SRSF11: variants seen among roughly 807,000 people sequenced by gnomAD.
SRSF11 encodes serine/arginine-rich splicing factor 11.
SRSF11 carries 9 observed loss-of-function variants against 56.0 expected under a neutral mutation model. The ratio of observed to expected loss-of-function variants is 0.16; its 90% CI spans 0.10 to 0.28. The LOEUF (loss-of-function observed/expected upper bound fraction) is 0.28. Ranked by LOEUF, SRSF11 falls within the 10% of genes least tolerant of loss-of-function variation. The pLI is 1.00. For missense variants in SRSF11, 421 were observed against 600.7 expected, an observed-to-expected ratio of 0.70 and a Z score of 3.13; for synonymous variants, 222 against 215.3, an observed-to-expected ratio of 1.03 and a Z score of -0.27.
intron 4 of SRSF11, among the ~76,000 whole-genome samples, chr1:70,235,271 A>G (rs1046619481): frequency 6.6e-6 from 1 of 152,186 alleles, no homozygotes; most frequent in African/African-American, 2.4e-5. Flanking sequence ...TCTTTAGATA[A>G]CTTGCTAAAG....
Position 70,232,250 on chromosome 1 carries a change from A to G in SRSF11, c.338-18A>G. On this transcript the variant is annotated intron_variant, in intron 2 of 11. Coordinates refer to ENST00000370949, the MANE Select transcript of SRSF11 (RefSeq NM_001350605.2). ...CTTAGAAAAGAATGTGTTCTAATGC[A>G]AGGATGTTTCTCTGCAGGAGTTATT... The G allele has an allele frequency of 6.2e-7, 1 of 1,614,158 alleles. No homozygotes were observed. The highest frequency in any genetic ancestry group is 1.3e-5 in the African/African-American group (1 of 75,036).
intron 1 of SRSF11, among the ~76,000 whole-genome samples, chr1:70,227,333 G>A (rs1169637255): frequency 6.6e-6 from 1 of 152,046 alleles, no homozygotes; most frequent in Admixed American, 6.6e-5. Context: ...TCATTAATGA[G>A]TCCTATGATG....
At chr1:70,234,546 T>C (rs574474480) in intron 3 of SRSF11, 150 bp from the exon 4 acceptor site, 17 of 504,192 alleles carry the variant, frequency 3.4e-5, no homozygotes, top group South Asian at 2.4e-4. Context: ...GCAGTAGTTA[T>C]ATGGTTTGTG....
upstream of SRSF11, among the ~76,000 whole-genome samples, chr1:70,218,034 G>T (rs559609583): frequency 2.0e-5 from 3 of 152,052 alleles, no homozygotes; most frequent in African/African-American, 7.2e-5. Flanking sequence ...CTGTTGCCCA[G>T]GCTGGAGTGC....
chr1:70,249,254 A>G (rs982969555), intron 9 of SRSF11: 2 of 152,170 alleles, frequency 1.3e-5, no homozygotes, highest in African/African-American at 4.8e-5. Context: ...GGGATATTTT[A>G]TTAGTAACTA....
Position 70,250,726 on chromosome 1 carries a change from A to G in SRSF11, c.1376A>G (p.Lys459Arg). 6.2e-7 allele frequency: 1 copy of G among 1,614,060 alleles called. No individual in the cohort carries two copies. Among genetic ancestry groups the G allele is most frequent in the Non-Finnish European group, 8.5e-7 (1 of 1,179,964 alleles). The change falls in exon 12 of 12, where the codon AAG (lysine) becomes AGG (arginine). Residue 459 changes from lysine (K) to arginine (R), a missense_variant. Coordinates refer to ENST00000370949, the MANE Select transcript of SRSF11 (RefSeq NM_001350605.2). ...SPKTKECSVE[K>R]GTGDSLRESK... Reference sequence around the variant, plus strand: ...AAAACAAAGGAATGTTCTGTGGAAAAGGGAACTGGTGATTCACTAAGAGAA... The same window carrying G: ...AAAACAAAGGAATGTTCTGTGGAAAGGGGAACTGGTGATTCACTAAGAGAA...
intron 7 of SRSF11, among the ~76,000 whole-genome samples, chr1:70,241,453 A>G (rs573583429): frequency 1.3e-5 from 2 of 152,170 alleles, no homozygotes; most frequent in Non-Finnish European, 2.9e-5. Flanking sequence ...CCACTGTCTT[A>G]TTCTTAGAGT....
upstream of SRSF11, chr1:70,205,704 C>T (rs566422741): frequency 9.7e-6 from 6 of 620,376 alleles, no homozygotes; most frequent in Middle Eastern, 4.8e-4. Context: ...TCGTCAGCAC[C>T]AGCGCCTGGG....
At position 70,251,112 on chromosome 1, in the gene SRSF11, C is replaced by T. The variant is rs188942561; in HGVS notation, c.*307C>T. 4.1e-4 allele frequency: 105 copies of T among 258,974 alleles called. No individual in the cohort carries two copies. The East Asian group carries it at 7.0e-3, about 17-fold the overall frequency. 16.0% of individuals were successfully genotyped at this position (258,974 alleles called of 1,614,324 possible). On this transcript the variant is annotated 3_prime_UTR_variant, in exon 12 of 12. Transcript: ENST00000370949. ...TACAGCAGGCATGGATTGTTTATGT[C>T]GTATGATATCCTTTATTAAGTAAGT...
intron 9 of SRSF11, among the ~76,000 whole-genome samples, chr1:70,247,531 AG>A (rs1055694005): frequency 2.0e-5 from 3 of 152,114 alleles, no homozygotes; most frequent in Admixed American, 1.3e-4. Context: ...CACTAGGAGA[AG>A]GTTCATGCCA....
At chr1:70,230,021 G>C in intron 2 of SRSF11, 1 of 985,358 alleles carries the variant, frequency 1.0e-6, no homozygotes, top group Non-Finnish European at 1.2e-6. Context: ...ATAAAATAGA[G>C]TATAGGTCTT....
chr1:70,245,756 A>G (rs1421536736), intron 8 of SRSF11, among the ~76,000 whole-genome samples: 1 of 152,230 alleles, frequency 6.6e-6, no homozygotes. Flanking sequence ...GAGGTCAGAA[A>G]AATATAATGA....
At chr1:70,224,139 T>A in intron 1 of SRSF11, among the ~76,000 whole-genome samples, 1 of 152,158 alleles carries the variant, frequency 6.6e-6, no homozygotes, top group Admixed American at 6.5e-5. Context: ...ATGCCATGAT[T>A]TTATTTTTCC....
At chr1:70,246,797 T>C (rs1363388303) in intron 8 of SRSF11, 21 bp from the exon 9 acceptor site, 5 of 1,564,338 alleles carry the variant, frequency 3.2e-6, no homozygotes, top group Non-Finnish European at 4.4e-6. Context: ...AATGCATTCA[T>C]AAATTGTGTT....
Position 70,251,599 on chromosome 1 carries a change from C to G in SRSF11, c.*794C>G, listed in dbSNP as rs1242856481. 6.6e-6 allele frequency: 1 copy of G among 152,256 alleles called. No homozygotes were observed. Among genetic ancestry groups the G allele is most frequent in the Non-Finnish European group, 1.5e-5 (1 of 67,928 alleles). The allele number at this position is 152,256 out of a possible 1,614,324, so 9.4% of individuals were successfully genotyped here. A position where few individuals can be genotyped will look rare whatever the true frequency, so the allele number is the denominator to read the frequency against. The stretch of plus-strand genomic sequence containing the variant: ...TGAAAGCTATCTACCTATCCTGAGT[C>G]TATCTTAAAGGAAAAAAAGAAAAAA... On this transcript the variant is annotated 3_prime_UTR_variant, in exon 12 of 12. Coordinates refer to ENST00000370949, the MANE Select transcript of SRSF11 (RefSeq NM_001350605.2).
chr1:70,229,228 A>T, intron 2 of SRSF11: 1 of 1,289,436 alleles, frequency 7.8e-7, no homozygotes, highest in Non-Finnish European at 1.0e-6. Context: ...GCAAATGCAA[A>T]ACCCTTCCAG....
At chr1:70,245,775 G>A (rs961785316) in intron 8 of SRSF11, among the ~76,000 whole-genome samples, 24 of 152,180 alleles carry the variant, frequency 1.6e-4, no homozygotes, top group African/African-American at 5.5e-4. Context: ...GAGACCGATC[G>A]TGGAAGGCTT....
At chr1:70,220,296 C>T (rs1254390478), upstream of SRSF11, among the ~76,000 whole-genome samples, 4 of 152,136 alleles carry the variant, frequency 2.6e-5, no homozygotes, top group Non-Finnish European at 5.9e-5. Context: ...ACTTGTGTAT[C>T]GGCACAGAGA....
intron 3 of SRSF11, 97 bp from the exon 4 acceptor site, chr1:70,234,599 C>G: frequency 2.1e-6 from 2 of 937,044 alleles, no homozygotes; most frequent in Non-Finnish European, 3.2e-6. Flanking sequence ...CCTGAAAACT[C>G]AAGTTGTTAT....
Sources: allele counts gnomAD v4.1 joint callset (sites outside exome capture counted in the v4.1 genomes callset), GRCh38; gene constraint gnomAD v4.1.1; transcripts MANE v1.5; gene names NCBI Gene and HGNC (gene_info 2026-07-23, HGNC 2026-07-21).